The following DSCAM variants were observed in gnomAD, a reference collection of about 807,000 sequenced individuals.
DSCAM encodes DS cell adhesion molecule, also known as cell adhesion molecule DSCAM.
In DSCAM, 47 loss-of-function variants were observed where a neutral mutation model predicts 217.7. The ratio of observed to expected loss-of-function variants is 0.22; its 90% CI spans 0.17 to 0.28. DSCAM has a LOEUF of 0.28. Ranked by LOEUF, DSCAM falls within the 10% of genes least tolerant of loss-of-function variation. The probability of loss-of-function intolerance (pLI) is 1.00; values close to 1 mark genes in which losing one functional copy is unlikely to be tolerated. For missense variants in DSCAM, 2,080 were observed against 2,618.3 expected, an observed-to-expected ratio of 0.79 and a Z score of 4.49; for synonymous variants, 1,056 against 1,015.3, an observed-to-expected ratio of 1.04 and a Z score of -0.76.
At chr21:40,281,380 GCTGT>G (rs1006151447) in intron 10 of DSCAM, among the ~76,000 whole-genome samples, 17 of 151,950 alleles carry the variant, frequency 1.1e-4, no homozygotes, top group Non-Finnish European at 2.2e-4. Flanking sequence ...AGATTATATG[GCTGT>G]CTGTCTTTCC....
At chr21:40,075,288 T>C (rs976131145) in intron 26 of DSCAM, 75 bp from the exon 27 acceptor site, 3 of 1,519,530 alleles carry the variant, frequency 2.0e-6, no homozygotes, top group African/African-American at 2.7e-5. Flanking sequence ...TGACAGGTTA[T>C]AAAAATCGCG....
At chr21:40,151,347 C>T (rs1460028086) in intron 16 of DSCAM, among the ~76,000 whole-genome samples, 1 of 152,152 alleles carries the variant, frequency 6.6e-6, no homozygotes, top group Non-Finnish European at 1.5e-5. Flanking sequence ...AGCCTTCTCC[C>T]TCCCTGGTCT....
intron 3 of DSCAM, among the ~76,000 whole-genome samples, chr21:40,512,717 G>A (rs945270516): frequency 5.9e-5 from 9 of 151,592 alleles, no homozygotes; most frequent in East Asian, 1.9e-4. Flanking sequence ...ATAGTTATGC[G>A]CCATAAGAGT....
At chr21:40,093,225 C>T (rs910661263) in intron 21 of DSCAM, among the ~76,000 whole-genome samples, 5 of 152,188 alleles carry the variant, frequency 3.3e-5, no homozygotes, top group Admixed American at 6.5e-5. Context: ...ATTATATTCA[C>T]TTTAAGGAAC....
intron 3 of DSCAM, among the ~76,000 whole-genome samples, chr21:40,574,702 C>T (rs1006801504): frequency 7.6e-6 from 1 of 132,362 alleles, no homozygotes; most frequent in Non-Finnish European, 1.5e-5. Context: ...ACATAAGGTG[C>T]CTGATTTTTT....
intron 11 of DSCAM, among the ~76,000 whole-genome samples, chr21:40,243,211 T>C (rs537322674): frequency 2.2e-4 from 34 of 152,226 alleles, no homozygotes; most frequent in African/African-American, 7.2e-4. Flanking sequence ...TCCTGTTACA[T>C]TTTGCAATTT....
At chr21:40,832,485 C>A (rs1569059296) in intron 1 of DSCAM, among the ~76,000 whole-genome samples, 1 of 152,108 alleles carries the variant, frequency 6.6e-6, no homozygotes, top group East Asian at 1.9e-4. Context: ...GGGTATGTGA[C>A]AATCTATGCA....
At chr21:40,354,089 C>T (rs1211376984) in intron 4 of DSCAM, among the ~76,000 whole-genome samples, 2 of 152,102 alleles carry the variant, frequency 1.3e-5, no homozygotes, top group African/African-American at 4.8e-5. Flanking sequence ...TTTAAAAGAT[C>T]CTTAATGGGT....
chr21:40,194,549 A>G (rs1197451329), intron 11 of DSCAM, among the ~76,000 whole-genome samples: 2 of 152,224 alleles, frequency 1.3e-5, no homozygotes, highest in Non-Finnish European at 2.9e-5. Flanking sequence ...GCTTTGTCCA[A>G]AGGTTGTGTG....
rs138240098 is a variant in DSCAM at position 40,529,765 on chromosome 21, T to C, written c.509-160520A>G. 6.2e-3 allele frequency among the ~76,000 whole-genome samples: 943 copies of C among 152,296 alleles called. 6 individuals are homozygous for C. Among genetic ancestry groups the C allele is most frequent in the Non-Finnish European group, 1.0e-2 (679 of 68,016 alleles). ...CCTTTTCTTTTTAGATGAAATCTCT[T>C]TTATTATAAAATATCAGAGAATTAG... On this transcript the variant is annotated intron_variant, in intron 3 of 32. Coordinates refer to ENST00000400454, the MANE Select transcript of DSCAM (RefSeq NM_001389.5).
intron 19 of DSCAM, among the ~76,000 whole-genome samples, chr21:40,129,614 A>G (rs894356233): frequency 6.6e-6 from 1 of 152,162 alleles, no homozygotes; most frequent in Non-Finnish European, 1.5e-5. Flanking sequence ...AATCTCTTCT[A>G]GGACATCTTG....
chr21:40,518,517 TAATATATATTTTATA>T (rs2076330606), intron 3 of DSCAM, among the ~76,000 whole-genome samples: 1 of 14,534 alleles, frequency 6.9e-5, no homozygotes, highest in Non-Finnish European at 1.0e-4. Context: ...ATAATATATA[TAATATATATTTTATA>T]TATATATATG....
chr21:40,320,968 TGA>T (rs755971567), intron 8 of DSCAM, among the ~76,000 whole-genome samples: 2 of 152,264 alleles, frequency 1.3e-5, no homozygotes, highest in East Asian at 1.9e-4. Flanking sequence ...CAAGAGTTTA[TGA>T]GAGTTCATAG....
At chr21:40,219,240 GC>G (rs1196986420) in intron 11 of DSCAM, among the ~76,000 whole-genome samples, 3 of 152,060 alleles carry the variant, frequency 2.0e-5, no homozygotes, top group African/African-American at 7.2e-5. Context: ...TAATCCTGTG[GC>G]TTTTGTCTTT....
chr21:40,075,018 C>A lies in DSCAM; in HGVS notation c.4888+19G>T, dbSNP rs1601302175. 4 of 1,613,050 alleles carry A rather than the reference C, an allele frequency of 2.5e-6. No homozygotes were observed. The highest frequency in any genetic ancestry group is 1.3e-5 in the African/African-American group (1 of 75,028). ...GCAGCAGGGGACACGCGTAGGTGGA[C>A]AGCTGGGCCTGGACCTACCTCGCAG... On this transcript the variant is annotated intron_variant, in intron 27 of 32. Transcript: ENST00000400454.
chr21:40,451,310 G>A (rs2075717346), intron 3 of DSCAM, among the ~76,000 whole-genome samples: 2 of 152,174 alleles, frequency 1.3e-5, no homozygotes, highest in Admixed American at 1.3e-4. Context: ...GCTCCCCATG[G>A]CACTTTCTAC....
intron 8 of DSCAM, among the ~76,000 whole-genome samples, chr21:40,318,471 C>T (rs1032557855): frequency 6.6e-6 from 1 of 152,166 alleles, no homozygotes; most frequent in Admixed American, 6.5e-5. Flanking sequence ...GGACTTCTAA[C>T]TACTGTGCCA....
At chr21:40,245,085 C>T (rs1016036385) in intron 11 of DSCAM, among the ~76,000 whole-genome samples, 3 of 152,154 alleles carry the variant, frequency 2.0e-5, no homozygotes, top group African/African-American at 7.2e-5. Context: ...AATGCCAGCC[C>T]AAGTGTCACA....
chr21:40,685,169 T>A (rs1324109980), intron 3 of DSCAM, among the ~76,000 whole-genome samples: 1 of 152,220 alleles, frequency 6.6e-6, no homozygotes, highest in Non-Finnish European at 1.5e-5. Flanking sequence ...ATATGCAAAG[T>A]GATCGTTGAA....
Sources: allele counts gnomAD v4.1 joint callset (sites outside exome capture counted in the v4.1 genomes callset), GRCh38; gene constraint gnomAD v4.1.1; transcripts MANE v1.5; gene names NCBI Gene and HGNC (gene_info 2026-07-23, HGNC 2026-07-21).